The following CCDC88A variants were observed in gnomAD, a reference collection of about 807,000 sequenced individuals.
CCDC88A encodes girdin.
In CCDC88A, 54 loss-of-function variants were observed where a neutral mutation model predicts 234.3. The ratio of observed to expected loss-of-function variants is 0.23; its 90% CI spans 0.19 to 0.29. The LOEUF (loss-of-function observed/expected upper bound fraction) is 0.29. Among genes scored for constraint, CCDC88A ranks in the 10% least tolerant of loss-of-function variants. The probability of loss-of-function intolerance (pLI) is 1.00; values close to 1 mark genes in which losing one functional copy is unlikely to be tolerated. For synonymous variants in CCDC88A, 753 were observed against 737.8 expected, an observed-to-expected ratio of 1.02 and a Z score of -0.33; for missense variants, 1,832 against 2,123.4, an observed-to-expected ratio of 0.86 and a Z score of 2.70.
At chr2:55,410,937 G>A (rs1680379044) in intron 2 of CCDC88A, among the ~76,000 whole-genome samples, 1 of 151,316 alleles carries the variant, frequency 6.6e-6, no homozygotes, top group African/African-American at 2.4e-5. Context: ...GATCTAAGAA[G>A]GCATAAAAAT....
chr2:55,349,457 G>A (rs958414692), intron 9 of CCDC88A, 61 bp downstream of exon 9: 113 of 1,189,982 alleles, frequency 9.5e-5, no homozygotes, highest in Non-Finnish European at 1.9e-5. Flanking sequence ...TAAATTACAA[G>A]GAAGAAAATC....
chr2:55,355,486 C>T, intron 8 of CCDC88A, 93 bp downstream of exon 8: 1 of 1,082,206 alleles, frequency 9.2e-7, no homozygotes, highest in Non-Finnish European at 1.4e-6. Context: ...AACACTGACA[C>T]AAGCTAGCAA....
At position 55,334,663 on chromosome 2, in the gene CCDC88A, T is replaced by C; in HGVS notation, c.2158A>G (p.Met720Val). 3 of 1,613,808 alleles carry C rather than the reference T, an allele frequency of 1.9e-6. No individual in the cohort carries two copies. The highest frequency in any genetic ancestry group is 2.2e-5 in the South Asian group (2 of 91,062). Residue 720 changes from methionine (M) to valine (V), a missense_variant, in exon 15 of 33, where the codon ATG becomes GTG. By Grantham distance (21) the Met-to-Val change is conservative (BLOSUM62 1). Coordinates refer to ENST00000436346, the MANE Select transcript of CCDC88A (RefSeq NM_001365480.1). This position sits in a 1 kb window ranked among gnomAD's most constrained non-coding sequence, Gnocchi z 6.1. Reference sequence around the variant, plus strand: ...TTGTTTTCTAGCTGTAGCTGAGCCATTTTCATGCTTGCACACTTCAAAGAT... The same window carrying C: ...TTGTTTTCTAGCTGTAGCTGAGCCACTTTCATGCTTGCACACTTCAAAGAT... ...VESLKCASMK[M>V]AQLQLENKEL...
At chr2:55,338,326 A>C (rs1668055640) in intron 13 of CCDC88A, among the ~76,000 whole-genome samples, 1 of 152,204 alleles carries the variant, frequency 6.6e-6, no homozygotes, top group African/African-American at 2.4e-5. Context: ...TCTTACAAGA[A>C]TACTAAGGAG....
intron 2 of CCDC88A, among the ~76,000 whole-genome samples, chr2:55,401,412 T>G (rs1678598786): frequency 7.8e-6 from 1 of 127,866 alleles, no homozygotes; most frequent in African/African-American, 3.0e-5. Flanking sequence ...CCAGCCTGGA[T>G]GACAGAGAAA....
At chr2:55,386,087 G>A (rs1350476909) in intron 3 of CCDC88A, among the ~76,000 whole-genome samples, 2 of 151,720 alleles carry the variant, frequency 1.3e-5, no homozygotes, top group African/African-American at 4.8e-5. Flanking sequence ...GCCGGGCGTG[G>A]TGGCATGTAC....
chr2:55,365,145 G>A (rs1306338756), intron 5 of CCDC88A, among the ~76,000 whole-genome samples: 1 of 152,082 alleles, frequency 6.6e-6, no homozygotes, highest in Non-Finnish European at 1.5e-5. Context: ...ATAATAAAAT[G>A]GTTAAAACTA....
chr2:55,334,425 T>A lies in CCDC88A; in HGVS notation c.2396A>T (p.Asn799Ile), dbSNP rs200918324. ...LEMENQTLQKNLEELKISSKR... is the reference protein window; with the variant it reads ...LEMENQTLQKILEELKISSKR... ...GCTAGATATTTTTAGTTCTTCTAGGTTTTTCTGCAATGTTTGATTTTCCAT... is the reference window on the plus strand; with the variant it reads ...GCTAGATATTTTTAGTTCTTCTAGGATTTTCTGCAATGTTTGATTTTCCAT... Residue 799 changes from asparagine to isoleucine, a missense_variant, in exon 15 of 33, where the codon AAC becomes ATC. Asn to Ile is a moderately radical substitution (Grantham distance 149). Around this residue, in one of 6 missense-constraint regions of CCDC88A, gnomAD observed 1,282 missense variants for 1,543.6 expected, o/e 0.83. Transcript: ENST00000436346. The surrounding 1 kb of genome is among the most constrained non-coding windows in gnomAD (Gnocchi z 6.1). 2.0e-4 allele frequency: 310 copies of A among 1,581,872 alleles called. No homozygotes were observed. Among genetic ancestry groups the A allele is most frequent in the Non-Finnish European group, 2.5e-4 (294 of 1,171,730 alleles).
At chr2:55,303,220 G>A in intron 25 of CCDC88A, 68 bp from the exon 26 acceptor site, 1 of 914,982 alleles carries the variant, frequency 1.1e-6, no homozygotes, top group South Asian at 1.4e-5. Flanking sequence ...AAGAACAGAT[G>A]GGAGTTAAAT....
intron 16 of CCDC88A, chr2:55,331,862 T>C (rs1446898066): frequency 6.6e-6 from 1 of 152,192 alleles, no homozygotes; most frequent in African/African-American, 2.4e-5. Flanking sequence ...CATTTATCTT[T>C]AAGTCAACAT....
intron 2 of CCDC88A, among the ~76,000 whole-genome samples, chr2:55,391,089 A>C (rs1016845462): frequency 6.6e-6 from 1 of 152,260 alleles, no homozygotes; most frequent in Admixed American, 6.5e-5. Flanking sequence ...GCTGTAAGCT[A>C]AACAATTCTC....
chr2:55,387,080 G>A (rs1178350417), intron 3 of CCDC88A, among the ~76,000 whole-genome samples: 1 of 150,196 alleles, frequency 6.7e-6, no homozygotes, highest in Non-Finnish European at 1.5e-5. Context: ...GGGCAGCTGA[G>A]GCAGGAGAAT....
At chr2:55,315,017 T>C (rs1195611321) in intron 22 of CCDC88A, 1 of 152,232 alleles carries the variant, frequency 6.6e-6, no homozygotes, top group Non-Finnish European at 1.5e-5. Flanking sequence ...CTGGTCTCTC[T>C]TGAACAGTTT....
At chr2:55,369,303 G>C (rs1441731736) in intron 5 of CCDC88A, among the ~76,000 whole-genome samples, 1 of 152,088 alleles carries the variant, frequency 6.6e-6, no homozygotes, top group East Asian at 1.9e-4. Context: ...CAAGTGCTGA[G>C]ATTACAGGTG....
intron 9 of CCDC88A, among the ~76,000 whole-genome samples, chr2:55,346,856 A>T (rs180891462): frequency 3.5e-4 from 54 of 152,224 alleles, no homozygotes; most frequent in African/African-American, 1.3e-3. Flanking sequence ...TGTTACTAAA[A>T]TTTTTTTAAA....
intron 5 of CCDC88A, 63 bp downstream of exon 5, chr2:55,372,389 A>G: frequency 2.5e-6 from 2 of 810,230 alleles, no homozygotes; most frequent in South Asian, 1.9e-5. Context: ...CAGAAACTAC[A>G]GCCTGATAAA....
chr2:55,402,987 C>A (rs541965109), intron 2 of CCDC88A, among the ~76,000 whole-genome samples: 1 of 151,482 alleles, frequency 6.6e-6, no homozygotes, highest in South Asian at 2.1e-4. Context: ...CCAGCCTGGG[C>A]AACTGAGCAA....
At chr2:55,305,346 C>T (rs545748357) in intron 25 of CCDC88A, among the ~76,000 whole-genome samples, 2 of 152,210 alleles carry the variant, frequency 1.3e-5, no homozygotes, top group South Asian at 4.2e-4. Context: ...ATTAAGGGAA[C>T]ATTAGTATTT....
intron 3 of CCDC88A, among the ~76,000 whole-genome samples, chr2:55,381,632 C>T (rs1266406056): frequency 6.6e-6 from 1 of 151,128 alleles, no homozygotes; most frequent in Non-Finnish European, 1.5e-5. Context: ...GCTTATGCTG[C>T]TAATGCATTG....
Sources: gnomAD v4.1 joint callset for allele counts (sites outside exome capture counted in the v4.1 genomes callset) on GRCh38, gnomAD v4.1.1 for gene constraint, gnomAD v4.1.1 regional missense constraint, Gnocchi (gnomAD v3.1) non-coding constraint, MANE v1.5 for transcripts, NCBI Gene and HGNC (gene_info 2026-07-23, HGNC 2026-07-21) for gene names.